Variants in TARBP1 observed in about 807,000 individuals in gnomAD.
The protein encoded by TARBP1 is tRNA (guanosine(18)-2'-O)-methyltransferase TARBP1.
Under a neutral mutation model 178.6 loss-of-function variants are expected in TARBP1, and 144 were observed. The observed-to-expected ratio is 0.81, with a 90% confidence interval of 0.70 to 0.93. The LOEUF is 0.93. Ranked by LOEUF, TARBP1 falls within the 40% of genes least tolerant of loss-of-function variation. TARBP1 has a pLI of 0.00. For synonymous variants in TARBP1, 787 were observed against 781.0 expected (o/e 1.01, Z -0.13); for missense variants, 2,067 against 2,011.7 (o/e 1.03, Z -0.53).
intron 3 of TARBP1, 128 bp downstream of exon 3, chr1:234,471,060 A>T: frequency 1.4e-6 from 1 of 692,702 alleles, no homozygotes; most frequent in East Asian, 2.8e-5. Flanking sequence ...CAGCATTACA[A>T]GATGATTATA....
rs57636903 is a variant in TARBP1 at position 234,451,766 on chromosome 1, A to AAAAAAAAAAAC, written c.1723-1201_1723-1200insGTTTTTTTTTT. Among the ~76,000 whole-genome samples the AAAAAAAAAAAC allele has an allele frequency of 1.4e-3, 24 of 17,174 alleles. 6 individuals are homozygous for AAAAAAAAAAAC. Among genetic ancestry groups the AAAAAAAAAAAC allele is most frequent in the Non-Finnish European group, 1.9e-3 (21 of 11,338 alleles). The allele number at this position is 17,174 out of a possible 152,430, so 11.3% of individuals were successfully genotyped here. Reference sequence around the variant, plus strand: ...TCCGTCTCAAAAAAAAAAAAAAAAAATGATGAATGACTGGATCATCGAAGT... The same window carrying AAAAAAAAAAAC: ...TCCGTCTCAAAAAAAAAAAAAAAAAAAAAAAAAAAACTGATGAATGACTGGATCATCGAAGT... On this transcript the variant is annotated intron_variant, in intron 9 of 29. Transcript: ENST00000040877.
At chr1:234,473,956 T>C (rs1047388931) in intron 1 of TARBP1, among the ~76,000 whole-genome samples, 1 of 152,098 alleles carries the variant, frequency 6.6e-6, no homozygotes. Context: ...AAGGGGACAT[T>C]CTGACCAGGC....
intron 22 of TARBP1, among the ~76,000 whole-genome samples, chr1:234,413,830 C>A (rs1662122434): frequency 6.6e-6 from 1 of 152,152 alleles, no homozygotes; most frequent in South Asian, 2.1e-4. Context: ...GACTGAGATA[C>A]AATGGCAGGG....
Position 234,451,543 on chromosome 1 carries a change from C to T in TARBP1, c.1723-977G>A, listed in dbSNP as rs1389475734. ...CGGGCGGATCACGAGGTCAGGAGAT[C>T]GAGACCATCCCGGCTAAAAACGGTG... On this transcript the variant is annotated intron_variant, in intron 9 of 29. Coordinates refer to ENST00000040877, the MANE Select transcript of TARBP1 (RefSeq NM_005646.4). Among the ~76,000 whole-genome samples the T allele has an allele frequency of 5.6e-5, 2 of 35,472 alleles. 1 individual carries two copies. Among genetic ancestry groups the T allele is most frequent in the Non-Finnish European group, 8.9e-5 (2 of 22,518 alleles). 23.3% of individuals were successfully genotyped at this position (35,472 alleles called of 152,430 possible). A position where few individuals can be genotyped will look rare whatever the true frequency, so the allele number is the denominator to read the frequency against.
At position 234,427,550 on chromosome 1, in the gene TARBP1, C is replaced by T. The variant is rs780453583; in HGVS notation, c.3251+26G>A. The T allele has an allele frequency of 1.9e-6, 3 of 1,578,250 alleles. No homozygotes were observed. In the South Asian group the frequency reaches 3.6e-5, roughly 19 times the overall value. Reference sequence around the variant, plus strand: ...AGTAGGCACTTAATACAAGTTATGACCAGTTGAAATAATAGCATCTTTTAC... The same window carrying T: ...AGTAGGCACTTAATACAAGTTATGATCAGTTGAAATAATAGCATCTTTTAC... On this transcript the variant is annotated intron_variant, in intron 18 of 29. Transcript: ENST00000040877.
At chr1:234,432,314 C>CGTG (rs1468850520) in intron 14 of TARBP1, among the ~76,000 whole-genome samples, 1 of 152,004 alleles carries the variant, frequency 6.6e-6, no homozygotes, top group Non-Finnish European at 1.5e-5. Context: ...TGGTGGCACA[C>CGTG]GCCTGTAGTC....
chr1:234,432,436 G>A (rs1664549226), intron 14 of TARBP1, among the ~76,000 whole-genome samples: 1 of 151,928 alleles, frequency 6.6e-6, no homozygotes, highest in Non-Finnish European at 1.5e-5. Flanking sequence ...GCGAGACTCT[G>A]TTCAAAAATA....
rs978468093 is a variant in TARBP1, at chr1:234,399,585, C to T, written c.4072-1032G>A. ...ATGCTGCTATAAAGACACATGCACACGTATGTTTATTGCGGCACTATTCAC... is the reference window on the plus strand; with the variant it reads ...ATGCTGCTATAAAGACACATGCACATGTATGTTTATTGCGGCACTATTCAC... On this transcript the variant is annotated intron_variant, in intron 25 of 29. Transcript: ENST00000040877. Among the ~76,000 whole-genome samples, 3 of 152,058 alleles carry T rather than the reference C, an allele frequency of 2.0e-5. No homozygotes were observed. In the South Asian group the frequency reaches 6.2e-4, roughly 32 times the overall value.
intron 13 of TARBP1, among the ~76,000 whole-genome samples, chr1:234,436,715 A>C (rs1665061104): frequency 6.6e-6 from 1 of 152,226 alleles, no homozygotes; most frequent in Non-Finnish European, 1.5e-5. Flanking sequence ...TTAAACAAAC[A>C]AACAAAAAAT....
chr1:234,449,536 T>C (rs1024088194), intron 10 of TARBP1, among the ~76,000 whole-genome samples: 2 of 152,210 alleles, frequency 1.3e-5, no homozygotes, highest in African/African-American at 2.4e-5. Context: ...TCTACTTTAA[T>C]AGAGACTAAC....
rs1666647025 is a variant in TARBP1, at chr1:234,450,570, G to A, written c.1723-4C>T. ...TAACACGTAGCCAGTCACACAGCTGGAAAAGAAAACAGTTATTACTTTATT... is the reference window on the plus strand; with the variant it reads ...TAACACGTAGCCAGTCACACAGCTGAAAAAGAAAACAGTTATTACTTTATT... On this transcript the variant is annotated splice_polypyrimidine_tract_variant and splice_region_variant and intron_variant, in intron 9 of 29. Coordinates refer to ENST00000040877, the MANE Select transcript of TARBP1 (RefSeq NM_005646.4). The A allele has an allele frequency of 1.2e-6, 2 of 1,606,418 alleles. No individual in the cohort carries two copies. The highest frequency in any genetic ancestry group is 2.7e-5 in the African/African-American group (2 of 74,424).
chr1:234,470,095 C>A (rs984092053), intron 3 of TARBP1, among the ~76,000 whole-genome samples: 1 of 152,004 alleles, frequency 6.6e-6, no homozygotes, highest in African/African-American at 2.4e-5. Context: ...GGCAAAACCC[C>A]GTCTCTACTA....
chr1:234,395,948 G>A (rs558374034), intron 26 of TARBP1, among the ~76,000 whole-genome samples: 11 of 152,228 alleles, frequency 7.2e-5, no homozygotes, highest in Admixed American at 3.3e-4. Flanking sequence ...AACGTGAGAG[G>A]TGACAGATAT....
intron 24 of TARBP1, 65 bp downstream of exon 24, chr1:234,405,838 T>C: frequency 6.8e-7 from 1 of 1,465,998 alleles, no homozygotes; most frequent in South Asian, 1.2e-5. Flanking sequence ...GTATGGGCAC[T>C]GCCCCCTCCC....
chr1:234,461,220 T>C (rs967550711), intron 6 of TARBP1, among the ~76,000 whole-genome samples: 4 of 152,242 alleles, frequency 2.6e-5, no homozygotes. Context: ...GTTAATTTAA[T>C]TCCTAGTTTA....
At chr1:234,408,206 T>TG (rs1661459328) in intron 23 of TARBP1, among the ~76,000 whole-genome samples, 1 of 152,146 alleles carries the variant, frequency 6.6e-6, no homozygotes, top group African/African-American at 2.4e-5. Context: ...AAAGGTTTTT[T>TG]TTTTTTTTCC....
At chr1:234,471,873 T>C (rs1279701533) in intron 2 of TARBP1, among the ~76,000 whole-genome samples, 3 of 147,846 alleles carry the variant, frequency 2.0e-5, no homozygotes, top group Non-Finnish European at 4.4e-5. Flanking sequence ...ATATAAGTAA[T>C]TATTTAAGTC....
At chr1:234,448,097 C>A (rs933484934) in intron 11 of TARBP1, among the ~76,000 whole-genome samples, 4 of 152,146 alleles carry the variant, frequency 2.6e-5, no homozygotes, top group Non-Finnish European at 5.9e-5. Flanking sequence ...CACCACCACG[C>A]CCGGCTGATT....
intron 3 of TARBP1, among the ~76,000 whole-genome samples, chr1:234,470,457 AGC>A (rs1426530612): frequency 6.6e-6 from 1 of 152,164 alleles, no homozygotes; most frequent in Non-Finnish European, 1.5e-5. Flanking sequence ...GGATACACTA[AGC>A]AAGGCTGGCC....
Sources: gnomAD v4.1 joint callset for allele counts (sites outside exome capture counted in the v4.1 genomes callset) on GRCh38, gnomAD v4.1.1 for gene constraint, MANE v1.5 for transcripts, NCBI Gene and HGNC (gene_info 2026-07-23, HGNC 2026-07-21) for gene names.